Variants in DPP8 observed in about 807,000 individuals in gnomAD.
DPP8 encodes dipeptidyl peptidase 8.
Under a neutral mutation model 107.5 loss-of-function variants are expected in DPP8, and 31 were observed. That is an observed-to-expected ratio of 0.29 (90% CI 0.22 to 0.39). The LOEUF is 0.39. Ranked by LOEUF, DPP8 falls within the 10% of genes least tolerant of loss-of-function variation. The probability of loss-of-function intolerance (pLI) is 1.00; values close to 1 mark genes in which losing one functional copy is unlikely to be tolerated. For missense variants in DPP8, 842 were observed against 1,076.1 expected, an observed-to-expected ratio of 0.78 and a Z score of 3.04; for synonymous variants, 381 against 356.6, an observed-to-expected ratio of 1.07 and a Z score of -0.77.
At chr15:65,454,235 A>C in intron 17 of DPP8, 28 bp downstream of exon 17, 1 of 1,437,984 alleles carries the variant, frequency 7.0e-7, no homozygotes, top group Non-Finnish European at 9.1e-7. Context: ...CCTTATTGCA[A>C]AAATGAGTAT....
chr15:65,451,596 T>C (rs1280039678), intron 18 of DPP8, among the ~76,000 whole-genome samples: 1 of 152,202 alleles, frequency 6.6e-6, no homozygotes, highest in Non-Finnish European at 1.5e-5. Flanking sequence ...GACAATTTTT[T>C]AAAATACAAT....
intron 12 of DPP8, among the ~76,000 whole-genome samples, chr15:65,470,680 A>G (rs894666669): frequency 5.9e-5 from 9 of 151,480 alleles, no homozygotes; most frequent in Non-Finnish European, 1.3e-4. Context: ...GCACTCTGGG[A>G]GGCCAAAGTG....
intron 5 of DPP8, among the ~76,000 whole-genome samples, chr15:65,494,031 TG>T (rs2068309349): frequency 6.7e-6 from 1 of 150,352 alleles, no homozygotes; most frequent in African/African-American, 2.5e-5. Context: ...CCTATGTTGA[TG>T]TGCTATTAAT....
chr15:65,473,434 T>A (rs1356519593), intron 12 of DPP8, among the ~76,000 whole-genome samples: 1 of 151,416 alleles, frequency 6.6e-6, no homozygotes, highest in Non-Finnish European at 1.5e-5. Flanking sequence ...GGGCAAGTAG[T>A]AGATAGTTAG....
chr15:65,502,555 G>A (rs1401294616), intron 3 of DPP8, among the ~76,000 whole-genome samples: 1 of 152,016 alleles, frequency 6.6e-6, no homozygotes, highest in Non-Finnish European at 1.5e-5. Flanking sequence ...GTGCGCATCT[G>A]TAGTCCCGGC....
chr15:65,504,563 G>A (rs2069699428), intron 3 of DPP8, among the ~76,000 whole-genome samples: 1 of 151,354 alleles, frequency 6.6e-6, no homozygotes, highest in South Asian at 2.1e-4. Context: ...CAGCTACTTG[G>A]GAGGCTGAGG....
chr15:65,452,212 C>T, intron 17 of DPP8, 110 bp from the exon 18 acceptor site: 1 of 1,296,288 alleles, frequency 7.7e-7, no homozygotes, highest in Non-Finnish European at 1.0e-6. Context: ...AAGCTTTAGC[C>T]TTACTACTGG....
chr15:65,468,491 T>A (rs1048089986), intron 12 of DPP8, among the ~76,000 whole-genome samples: 2 of 110,778 alleles, frequency 1.8e-5, no homozygotes, highest in East Asian at 4.5e-4. Context: ...AAGACCCTTA[T>A]CTCAAAAAAA....
At chr15:65,504,630 C>G (rs1330096368) in intron 3 of DPP8, among the ~76,000 whole-genome samples, 1 of 137,316 alleles carries the variant, frequency 7.3e-6, no homozygotes, top group African/African-American at 2.8e-5. Flanking sequence ...GAACGCGCCA[C>G]TGCACTCCAG....
In DPP8 at chr15:65,500,721, C is replaced by A; in HGVS notation, c.431G>T (p.Arg144Leu). The A allele has an allele frequency of 6.2e-7, 1 of 1,613,868 alleles. No homozygotes were observed. The highest frequency in any genetic ancestry group is 1.3e-5 in the African/African-American group (1 of 75,006). ...AGAAGCAATTCCGACTGTTCCAATG[C>A]GTTTTCTTTCTCTTAATAGTTCTTC... ...REEELLRERKRIGTVGIASYD... is the reference protein window; with the variant it reads ...REEELLRERKLIGTVGIASYD... Residue 144 changes from arginine (R) to leucine (L), a missense_variant, in exon 4 of 20, where the codon CGC becomes CTC. Arg to Leu is a moderately radical substitution (Grantham distance 102). Around this residue, in one of 2 missense-constraint regions of DPP8, gnomAD observed 663 missense variants for 758.0 expected, o/e 0.87. Transcript: ENST00000300141.
At chr15:65,470,195 C>CAAAAAAAAAAAAAAAAA (rs11310623) in intron 12 of DPP8, among the ~76,000 whole-genome samples, 1 of 58,488 alleles carries the variant, frequency 1.7e-5, no homozygotes, top group Non-Finnish European at 3.2e-5. Context: ...ACTCTTGTCT[C>CAAAAAAAAAAAAAAAAA]AAAAAAAAAA....
intron 16 of DPP8, 140 bp downstream of exon 16, chr15:65,456,085 C>T: frequency 9.3e-7 from 1 of 1,077,658 alleles, no homozygotes; most frequent in Admixed American, 2.7e-5. Context: ...TCTTCTCTCC[C>T]ACCCCCAAAC....
intron 11 of DPP8, 117 bp from the exon 12 acceptor site, chr15:65,474,405 A>G: frequency 1.4e-6 from 1 of 709,194 alleles, no homozygotes. Flanking sequence ...GGTAATAAAA[A>G]TGTTTTGGAA....
chr15:65,478,930 A>G lies in DPP8; in HGVS notation c.1406T>C (p.Ile469Thr). The change falls in exon 11 of 20, where the codon ATT becomes ACT. Residue 469 changes from isoleucine (I) to threonine (T), a missense_variant. Transcript: ENST00000300141. The stretch of plus-strand genomic sequence containing the variant: ...TCGTTTATATTTGCTTTCCTTTAAA[A>G]TAGATGTAATTTTGTATAAATGACG... ...GFRHLYKITSILKESKYKRSS... is the reference protein window; with the variant it reads ...GFRHLYKITSTLKESKYKRSS... The G allele has an allele frequency of 6.3e-7, 1 of 1,594,862 alleles. No individual in the cohort carries two copies. Among genetic ancestry groups the G allele is most frequent in the Non-Finnish European group, 8.5e-7 (1 of 1,172,874 alleles).
intron 7 of DPP8, among the ~76,000 whole-genome samples, chr15:65,485,817 G>C (rs1423374781): frequency 6.6e-6 from 1 of 151,960 alleles, no homozygotes; most frequent in Admixed American, 6.6e-5. Context: ...AATTAGGCAG[G>C]GTGCAGTGGC....
At chr15:65,455,936 G>T in intron 16 of DPP8, 1 of 1,037,832 alleles carries the variant, frequency 9.6e-7, no homozygotes, top group East Asian at 4.4e-5. Flanking sequence ...TTCCTCAACT[G>T]TGTACAGGAT....
At chr15:65,464,889 T>TG (rs1327509686) in intron 14 of DPP8, among the ~76,000 whole-genome samples, 5 of 151,710 alleles carry the variant, frequency 3.3e-5, no homozygotes, top group Non-Finnish European at 5.9e-5. Context: ...TAAAGCTGGG[T>TG]GGGGGGGTGA....
chr15:65,507,126 A>G, intron 3 of DPP8, 117 bp downstream of exon 3: 1 of 539,756 alleles, frequency 1.9e-6, no homozygotes, highest in Non-Finnish European at 3.1e-6. Flanking sequence ...CAAAAACATA[A>G]AAACATCTTA....
chr15:65,453,711 C>T (rs750525611), intron 17 of DPP8, among the ~76,000 whole-genome samples: 5 of 151,788 alleles, frequency 3.3e-5, no homozygotes, highest in Non-Finnish European at 7.4e-5. Context: ...AGCGAGACTC[C>T]GTCTCAAAAC....
Sources: allele counts gnomAD v4.1 joint callset (sites outside exome capture counted in the v4.1 genomes callset), GRCh38; gene constraint gnomAD v4.1.1; regional missense constraint gnomAD v4.1.1; transcripts MANE v1.5; gene names NCBI Gene and HGNC (gene_info 2026-07-23, HGNC 2026-07-21).